The following CACNA1I variants were observed in gnomAD, a reference collection of about 807,000 sequenced individuals.
The protein encoded by CACNA1I is calcium voltage-gated channel subunit alpha1 I.
In CACNA1I, 74 loss-of-function variants were observed where a neutral mutation model predicts 201.6. The observed-to-expected ratio is 0.37, with a 90% CI of 0.30 to 0.45. CACNA1I has a LOEUF of 0.45. Ranked by LOEUF, CACNA1I falls within the 20% of genes least tolerant of loss-of-function variation. CACNA1I has a pLI of 1.00. For synonymous variants in CACNA1I, 1,431 were observed against 1,345.2 expected (o/e 1.06, Z -1.40); for missense variants, 2,346 against 3,138.1 (o/e 0.75, Z 6.03).
chr22:39,634,664 G>A lies in CACNA1I; in HGVS notation c.680G>A (p.Gly227Asp). The A allele has an allele frequency of 1.2e-6, 2 of 1,613,864 alleles. No homozygotes were observed. Among genetic ancestry groups the A allele is most frequent in the Non-Finnish European group, 1.7e-6 (2 of 1,179,868 alleles). ...GTCTTCTTCATCTTTGGCATCATAG[G>A]TGTGCAGCTCTGGGCGGGCCTGCTG... ...FFVFFIFGIIGVQLWAGLLRN... is the reference protein window; with the variant it reads ...FFVFFIFGIIDVQLWAGLLRN... Residue 227 changes from glycine to aspartate, a missense_variant, in exon 5 of 37, where the codon GGT becomes GAT. Physicochemically the swap from Gly to Asp is moderately conservative, Grantham distance 94. Coordinates refer to ENST00000402142, the MANE Select transcript of CACNA1I (RefSeq NM_021096.4).
Position 39,684,738 on chromosome 22 carries a change from A to T in CACNA1I, c.6027+240A>T. 1.7e-6 allele frequency: 1 copy of T among 602,108 alleles called. No homozygotes were observed. The highest frequency in any genetic ancestry group is 3.0e-6 in the Non-Finnish European group (1 of 338,756). 37.3% of individuals were successfully genotyped at this position (602,108 alleles called of 1,614,324 possible). On this transcript the variant is annotated intron_variant, in intron 36 of 36. Transcript: ENST00000402142. This position sits in a 1 kb window ranked among gnomAD's most constrained non-coding sequence, Gnocchi z 4.6. ...ACAGCAGAGTGTGGGGAGGACCCCA[A>T]GGCGGGTCTGGAAGAGGCCTGTGAT...
intron 1 of CACNA1I, among the ~76,000 whole-genome samples, chr22:39,584,201 G>A (rs1932669827): frequency 1.3e-5 from 2 of 152,314 alleles, no homozygotes; most frequent in South Asian, 4.1e-4. Flanking sequence ...TGAGGAGTGG[G>A]CAGAAAGGAA....
rs138167833 is a variant in CACNA1I at position 39,573,953 on chromosome 22, G to A, written c.236+2965G>A. Among the ~76,000 whole-genome samples the A allele has an allele frequency of 8.9e-4, 135 of 152,278 alleles. 1 individual carries two copies. The East Asian group carries it at 0.02, about 22-fold the overall frequency. On this transcript the variant is annotated intron_variant, in intron 1 of 36. Transcript: ENST00000402142. ...GGGACTTTTCAGTCCCGGGAGCTGC[G>A]CAGAGCGAGGGTTCCCCCGGCATCC...
Position 39,649,553 on chromosome 22 carries a change from G to T in CACNA1I, c.1620G>T (p.Gln540His). Residue 540 changes from glutamine (Q) to histidine (H), a missense_variant, in exon 10 of 37, where the codon CAG (glutamine) becomes CAT (histidine). By Grantham distance (24) the Gln-to-His change is conservative. This residue lies in a region of CACNA1I where 312 missense variants were observed against 331.5 expected (regional missense o/e 0.94). Transcript: ENST00000402142. This position sits in a 1 kb window ranked among gnomAD's most constrained non-coding sequence, Gnocchi z 7.3. ...ATGCGACGCCCCACACCCTGGTGCA[G>T]CCCATCCCCGCCACGCTGGCTTCCG... is the stretch of plus-strand genomic sequence containing the variant. ...PLDATPHTLV[Q>H]PIPATLASDP... The T allele has an allele frequency of 6.5e-7, 1 of 1,550,144 alleles. No individual in the cohort carries two copies. Among genetic ancestry groups the T allele is most frequent in the South Asian group, 1.2e-5 (1 of 83,808 alleles).
At chr22:39,633,664 ATAAT>A (rs1284940882) in intron 4 of CACNA1I, among the ~76,000 whole-genome samples, 1 of 152,258 alleles carries the variant, frequency 6.6e-6, no homozygotes. Context: ...GGAACTTCAA[ATAAT>A]TTGGCACTGC....
chr22:39,661,836 A>G, intron 16 of CACNA1I, 129 bp from the exon 17 acceptor site: 1 of 592,138 alleles, frequency 1.7e-6, no homozygotes. Context: ...GGTCAAGCCC[A>G]TTCCATCACC....
At chr22:39,585,437 T>C (rs1159190092) in intron 1 of CACNA1I, among the ~76,000 whole-genome samples, 1 of 136,416 alleles carries the variant, frequency 7.3e-6, no homozygotes, top group Non-Finnish European at 1.5e-5. Flanking sequence ...TCACCCAGGC[T>C]GGAGTGCAGT....
chr22:39,570,831 G>A lies in CACNA1I; in HGVS notation c.79G>A (p.Gly27Arg), dbSNP rs771274219. The change falls in exon 1 of 37, where the codon GGA (glycine) becomes AGA (arginine). Residue 27 changes from glycine (G) to arginine (R), a missense_variant. Coordinates refer to ENST00000402142, the MANE Select transcript of CACNA1I (RefSeq NM_021096.4). ...AEPGVTTEQP[G>R]PRSPPSSPPG... ...GCCAGGAGTCACCACGGAGCAGCCCGGACCCCGGAGCCCCCCATCCTCCCC... is the reference window on the plus strand; with the variant it reads ...GCCAGGAGTCACCACGGAGCAGCCCAGACCCCGGAGCCCCCCATCCTCCCC... 1.4e-5 allele frequency: 22 copies of A among 1,613,322 alleles called. No homozygotes were observed. Among genetic ancestry groups the A allele is most frequent in the South Asian group, 6.6e-5 (6 of 91,072 alleles).
At chr22:39,637,765 A>G (rs1374749703) in intron 5 of CACNA1I, among the ~76,000 whole-genome samples, 1 of 152,212 alleles carries the variant, frequency 6.6e-6, no homozygotes, top group East Asian at 1.9e-4. Flanking sequence ...CCAGTTTATC[A>G]ATCATTTTTT....
intron 2 of CACNA1I, among the ~76,000 whole-genome samples, chr22:39,599,678 C>T (rs1932982378): frequency 6.7e-6 from 1 of 149,978 alleles, no homozygotes; most frequent in African/African-American, 2.5e-5. Flanking sequence ...CTCAGACCTG[C>T]TGAAGCAGAA....
chr22:39,680,746 G>A (rs1214542944), intron 33 of CACNA1I, among the ~76,000 whole-genome samples, 184 bp from the exon 34 acceptor site: 1 of 152,144 alleles, frequency 6.6e-6, no homozygotes, highest in Non-Finnish European at 1.5e-5. Flanking sequence ...TGTCACCATC[G>A]CATGTCACCC....
Position 39,684,304 on chromosome 22 carries a change from C to G in CACNA1I, c.5833C>G (p.Pro1945Ala), listed in dbSNP as rs760514353. 19 of 1,613,108 alleles carry G rather than the reference C, an allele frequency of 1.2e-5. No individual in the cohort carries two copies. In the African/African-American group the frequency reaches 2.4e-4, roughly 20 times the overall value. The change falls in exon 36 of 37, where the codon CCC becomes GCC. Residue 1945 changes from proline to alanine, a missense_variant and splice_region_variant. Pro to Ala is a conservative substitution (Grantham distance 27). Coordinates refer to ENST00000402142, the MANE Select transcript of CACNA1I (RefSeq NM_021096.4). The surrounding 1 kb of genome is among the most constrained non-coding windows in gnomAD (Gnocchi z 4.6). Reference sequence around the variant, plus strand: ...TCTGTCTTCTCCTTTCCCAGCAGCACCCCCAAGTCCCTTCTCCCCGGATGC... The same window carrying G: ...TCTGTCTTCTCCTTTCCCAGCAGCAGCCCCAAGTCCCTTCTCCCCGGATGC... ...SWLKHDSSQA[P>A]PSPFSPDASS...
intron 1 of CACNA1I, among the ~76,000 whole-genome samples, chr22:39,576,363 G>A (rs1932351829): frequency 6.6e-6 from 1 of 152,246 alleles, no homozygotes; most frequent in Admixed American, 6.5e-5. Flanking sequence ...GATGAGGAAA[G>A]TGAAGCTCAA....
chr22:39,638,925 G>C (rs117933329), intron 5 of CACNA1I, among the ~76,000 whole-genome samples: 92 of 152,324 alleles, frequency 6.0e-4, no homozygotes, highest in South Asian at 1.2e-3. Flanking sequence ...GCTCCTATGA[G>C]AATCTAATGC....
At chr22:39,634,750 C>A in intron 5 of CACNA1I, 26 bp downstream of exon 5, 1 of 1,605,414 alleles carries the variant, frequency 6.2e-7, no homozygotes, top group Admixed American at 1.7e-5. Context: ...GCCACCCATG[C>A]AGCTCCGGGG....
At chr22:39,589,424 A>G (rs1932796688) in intron 1 of CACNA1I, among the ~76,000 whole-genome samples, 1 of 152,232 alleles carries the variant, frequency 6.6e-6, no homozygotes, top group Non-Finnish European at 1.5e-5. Context: ...TATTCATTGA[A>G]TAAACGAATG....
chr22:39,686,106 G>A lies in CACNA1I; in HGVS notation c.6373G>A (p.Glu2125Lys). ...GGGGAGSEHS[E>K]TLSSLSLTSL... The stretch of plus-strand genomic sequence containing the variant: ...CGGGGGCGCGGGCAGCGAGCACTCG[G>A]AGACCCTCAGCAGCCTCTCGCTCAC... The change falls in exon 37 of 37, where the codon GAG (glutamate) becomes AAG (lysine). Residue 2125 changes from glutamate to lysine, a missense_variant. By Grantham distance (56) the Glu-to-Lys change is moderately conservative. This residue lies in a region of CACNA1I where 187 missense variants were observed against 151.0 expected (regional missense o/e 1.24). Transcript: ENST00000402142. The A allele has an allele frequency of 8.0e-7, 1 of 1,246,826 alleles. No individual in the cohort carries two copies. The highest frequency in any genetic ancestry group is 1.0e-6 in the Non-Finnish European group (1 of 998,508). The allele number at this position is 1,246,826 out of a possible 1,614,324, so 77.2% of individuals were successfully genotyped here.
intron 1 of CACNA1I, among the ~76,000 whole-genome samples, chr22:39,593,872 A>G (rs1932850516): frequency 6.6e-6 from 1 of 152,190 alleles, no homozygotes; most frequent in South Asian, 2.1e-4. Context: ...AGCTGTGAGG[A>G]TTAAATGAGA....
intron 1 of CACNA1I, among the ~76,000 whole-genome samples, chr22:39,589,404 G>C (rs1932796504): frequency 6.6e-6 from 1 of 152,188 alleles, no homozygotes; most frequent in Non-Finnish European, 1.5e-5. Context: ...AGTGGTTGCT[G>C]CCTGTTTATT....
Sources: allele counts gnomAD v4.1 joint callset (sites outside exome capture counted in the v4.1 genomes callset), GRCh38; gene constraint gnomAD v4.1.1; regional missense constraint gnomAD v4.1.1; non-coding constraint Gnocchi (gnomAD v3.1); transcripts MANE v1.5; gene names NCBI Gene and HGNC (gene_info 2026-07-23, HGNC 2026-07-21).